Variants in NIBAN1 observed in about 807,000 individuals in gnomAD.
NIBAN1 encodes protein Niban 1.
In NIBAN1, 81 loss-of-function variants were observed where a neutral mutation model predicts 75.1. The observed-to-expected ratio is 1.08, with a 90% CI of 0.90 to 1.30. The LOEUF (loss-of-function observed/expected upper bound fraction) is 1.30, where lower values mean the gene tolerates loss of function less well. NIBAN1 is among the 50% of genes most tolerant of loss of function. NIBAN1 has a pLI of 0.00. For synonymous variants in NIBAN1, 436 were observed against 424.8 expected (o/e 1.03, Z -0.32); for missense variants, 1,133 against 1,128.1 (o/e 1.00, Z -0.06).
intron 1 of NIBAN1, among the ~76,000 whole-genome samples, chr1:184,962,982 A>C (rs532424634): frequency 6.6e-6 from 1 of 152,196 alleles, no homozygotes; most frequent in African/African-American, 2.4e-5. Context: ...ACAAAATGAC[A>C]TATTAGAATA....
At chr1:184,911,553 CTT>C (rs1372636694) in intron 1 of NIBAN1, among the ~76,000 whole-genome samples, 1 of 152,176 alleles carries the variant, frequency 6.6e-6, no homozygotes, top group Non-Finnish European at 1.5e-5. Flanking sequence ...AAGCTGCAGT[CTT>C]TGCTGGCTAA....
intron 5 of NIBAN1, among the ~76,000 whole-genome samples, chr1:184,879,324 C>G (rs929095002): frequency 1.3e-4 from 19 of 151,930 alleles, no homozygotes; most frequent in African/African-American, 4.6e-4. Flanking sequence ...ACTAAAGTGC[C>G]CAAAGGAGCC....
chr1:184,957,702 A>T (rs199583953), intron 1 of NIBAN1, among the ~76,000 whole-genome samples: 7 of 152,204 alleles, frequency 4.6e-5, no homozygotes, highest in African/African-American at 1.7e-4. Context: ...CTCACTGGGC[A>T]TTACTACTGT....
chr1:184,957,393 G>C (rs1455657367), intron 1 of NIBAN1, among the ~76,000 whole-genome samples: 1 of 152,200 alleles, frequency 6.6e-6, no homozygotes, highest in African/African-American at 2.4e-5. Flanking sequence ...AATTCAACAA[G>C]CTGTTGAAAA....
At chr1:184,929,937 C>T (rs1448950510) in intron 1 of NIBAN1, among the ~76,000 whole-genome samples, 1 of 152,182 alleles carries the variant, frequency 6.6e-6, no homozygotes, top group African/African-American at 2.4e-5. Context: ...ACAGAGACAG[C>T]CCTCTTAGAC....
At chr1:184,835,618 G>A (rs1426452447) in intron 5 of NIBAN1, among the ~76,000 whole-genome samples, 1 of 152,188 alleles carries the variant, frequency 6.6e-6, no homozygotes, top group African/African-American at 2.4e-5. Flanking sequence ...GTGAATGGGA[G>A]TTCACTCACG....
intron 1 of NIBAN1, among the ~76,000 whole-genome samples, chr1:184,954,464 T>C (rs1173497440): frequency 6.6e-6 from 1 of 152,138 alleles, no homozygotes; most frequent in Non-Finnish European, 1.5e-5. Context: ...CTAAGGGAAA[T>C]GCAGAAGACC....
intron 1 of NIBAN1, among the ~76,000 whole-genome samples, chr1:184,931,315 C>G (rs941975095): frequency 1.3e-5 from 2 of 152,104 alleles, no homozygotes; most frequent in Non-Finnish European, 2.9e-5. Context: ...TTTAACCTCT[C>G]TATATTGTGA....
intron 5 of NIBAN1, among the ~76,000 whole-genome samples, chr1:184,855,562 TTA>T: frequency 6.6e-6 from 1 of 152,230 alleles, no homozygotes. Flanking sequence ...ACAATTTATT[TTA>T]TATGTTGCCT....
chr1:184,796,618 C>A (rs1462471869), intron 13 of NIBAN1, among the ~76,000 whole-genome samples: 2 of 152,328 alleles, frequency 1.3e-5, no homozygotes, highest in Admixed American at 1.3e-4. Context: ...AGCTCAGTTT[C>A]AAAGGCCTCC....
chr1:184,903,402 C>A (rs566815524), intron 1 of NIBAN1, among the ~76,000 whole-genome samples: 2 of 152,314 alleles, frequency 1.3e-5, no homozygotes, highest in East Asian at 3.9e-4. Context: ...TTGTCCCCTG[C>A]AAATCTCATG....
Position 184,884,622 on chromosome 1 carries a change from C to T in NIBAN1, c.601+11G>A. The T allele has an allele frequency of 6.2e-7, 1 of 1,613,326 alleles. No individual in the cohort carries two copies. The highest frequency in any genetic ancestry group is 8.5e-7 in the Non-Finnish European group (1 of 1,179,520). ...TCCCGCCCCGGGGATGAGAGGGGAG[C>T]CGCGCCATACCATGATTGAGATGCC... On this transcript the variant is annotated intron_variant, in intron 5 of 13. Transcript: ENST00000367511.
At chr1:184,899,838 CAG>C (rs1656901935) in intron 1 of NIBAN1, among the ~76,000 whole-genome samples, 1 of 119,504 alleles carries the variant, frequency 8.4e-6, no homozygotes. Context: ...TTTCTTGAGA[CAG>C]AGTGTCCATC....
At chr1:184,912,215 CT>C (rs1657259912) in intron 1 of NIBAN1, among the ~76,000 whole-genome samples, 1 of 152,026 alleles carries the variant, frequency 6.6e-6, no homozygotes, top group African/African-American at 2.4e-5. Flanking sequence ...CTTATTTTAA[CT>C]GTTATTTATA....
At position 184,839,575 on chromosome 1, in the gene NIBAN1, G is replaced by A. The variant is rs117737586; in HGVS notation, c.602-7613C>T. ...TGTGTGTGTGTGTGTGCACGCGCGC[G>A]TGTGTGTGTGTGTTGTTCCATTTAA... On this transcript the variant is annotated intron_variant, in intron 5 of 13. Coordinates refer to ENST00000367511, the MANE Select transcript of NIBAN1 (RefSeq NM_052966.4). 5.6e-3 allele frequency among the ~76,000 whole-genome samples: 803 copies of A among 142,630 alleles called. 9 individuals carry two copies. Among genetic ancestry groups the A allele is most frequent in the East Asian group, 0.039 (202 of 5,146 alleles). The allele number at this position is 142,630 out of a possible 152,430, so 93.6% of individuals were successfully genotyped here.
intron 5 of NIBAN1, among the ~76,000 whole-genome samples, chr1:184,870,952 T>G (rs558044384): frequency 6.6e-6 from 1 of 152,314 alleles, no homozygotes; most frequent in South Asian, 2.1e-4. Context: ...AAAGTGTCCT[T>G]GTTTGGAAAT....
At chr1:184,953,886 TC>T (rs1397427921) in intron 1 of NIBAN1, among the ~76,000 whole-genome samples, 2 of 152,246 alleles carry the variant, frequency 1.3e-5, no homozygotes, top group Non-Finnish European at 2.9e-5. Context: ...GTGAGAAAGT[TC>T]AGAGAAAATG....
chr1:184,917,611 A>G (rs1413804773), intron 1 of NIBAN1, among the ~76,000 whole-genome samples: 1 of 151,920 alleles, frequency 6.6e-6, no homozygotes. Flanking sequence ...AAGCAAATGG[A>G]GATATAATAA....
chr1:184,888,948 A>T (rs990029007), intron 4 of NIBAN1, among the ~76,000 whole-genome samples: 1 of 152,254 alleles, frequency 6.6e-6, no homozygotes, highest in African/African-American at 2.4e-5. Context: ...CAATCCTGTA[A>T]TTGTGTTATT....
Sources: gnomAD v4.1 joint callset for allele counts (sites outside exome capture counted in the v4.1 genomes callset) on GRCh38, gnomAD v4.1.1 for gene constraint, MANE v1.5 for transcripts, NCBI Gene and HGNC (gene_info 2026-07-23, HGNC 2026-07-21) for gene names.